Variants in WNK2 observed in about 807,000 individuals in gnomAD.
WNK2 encodes serine/threonine-protein kinase WNK2.
WNK2 carries 67 observed loss-of-function variants against 192.1 expected under a neutral mutation model. The observed-to-expected ratio is 0.35, with a 90% CI of 0.29 to 0.43. The LOEUF (loss-of-function observed/expected upper bound fraction) is 0.43. WNK2 is among the 20% of genes least tolerant of loss of function. The pLI is 1.00. For missense variants in WNK2, 2,698 were observed against 3,089.7 expected (o/e 0.87, Z 3.01); for synonymous variants, 1,439 against 1,393.9 (o/e 1.03, Z -0.72).
chr9:93,269,648 A>T, intron 19 of WNK2, among the ~76,000 whole-genome samples: 1 of 152,336 alleles, frequency 6.6e-6, no homozygotes, highest in Non-Finnish European at 1.5e-5. Context: ...TCTGGATTTT[A>T]ATACATACAC....
At chr9:93,204,278 C>G (rs1313099525) in intron 2 of WNK2, among the ~76,000 whole-genome samples, 2 of 152,104 alleles carry the variant, frequency 1.3e-5, no homozygotes, top group South Asian at 4.1e-4. Context: ...CCTGGGTGCT[C>G]AACATTTCTG....
Position 93,247,895 on chromosome 9 carries a change from C to A in WNK2, c.1834+61C>A. ...CTCCCACCTACCCTGCAAAAACCAG[C>A]TATTGGGCAAAGAAAAATGAAGTCC... is the stretch of plus-strand genomic sequence containing the variant. On this transcript the variant is annotated intron_variant, in intron 8 of 29. Transcript: ENST00000427277. This position sits in a 1 kb window ranked among gnomAD's most constrained non-coding sequence, Gnocchi z 5.2. 6.7e-7 allele frequency: 1 copy of A among 1,486,482 alleles called. No homozygotes were observed. Among genetic ancestry groups the A allele is most frequent in the South Asian group, 1.3e-5 (1 of 78,802 alleles). The allele number at this position is 1,486,482 out of a possible 1,614,324, so 92.1% of individuals were successfully genotyped here.
chr9:93,271,796 G>C (rs758132401), intron 19 of WNK2, among the ~76,000 whole-genome samples: 1 of 152,190 alleles, frequency 6.6e-6, no homozygotes, highest in Non-Finnish European at 1.5e-5. Context: ...GGTGAAAGAC[G>C]TAAGTCTACA....
chr9:93,279,790 T>C (rs184217316), intron 19 of WNK2, among the ~76,000 whole-genome samples: 3 of 152,310 alleles, frequency 2.0e-5, no homozygotes, highest in Non-Finnish European at 2.9e-5. Context: ...AACATTTAAA[T>C]GACTTTCAGG....
At chr9:93,222,071 CAG>C (rs777707752) in intron 2 of WNK2, among the ~76,000 whole-genome samples, 1 of 152,056 alleles carries the variant, frequency 6.6e-6, no homozygotes, top group Non-Finnish European at 1.5e-5. Context: ...GTGTGGGTGA[CAG>C]GGTGAGTACC....
chr9:93,308,084 C>T, intron 27 of WNK2: 3 of 694,906 alleles, frequency 4.3e-6, no homozygotes, highest in Admixed American at 3.0e-5. Flanking sequence ...GCTGCAGAGT[C>T]CTGTCCCCTG....
chr9:93,253,140 CCTGAGGGCT>C, intron 9 of WNK2, 58 bp downstream of exon 9: 1 of 1,316,076 alleles, frequency 7.6e-7, no homozygotes, highest in Non-Finnish European at 9.8e-7. Flanking sequence ...GTCTGAGGGC[CCTGAGGGCT>C]CTAAATTCTG....
chr9:93,288,512 A>T (rs1027036285), intron 19 of WNK2, among the ~76,000 whole-genome samples: 17 of 152,208 alleles, frequency 1.1e-4, no homozygotes, highest in Non-Finnish European at 2.5e-4. Flanking sequence ...CACAGAAGGA[A>T]GGGTGGTGCT....
In WNK2 at chr9:93,247,856, G is replaced by A; in HGVS notation, c.1834+22G>A. 2.0e-6 allele frequency: 3 copies of A among 1,531,402 alleles called. No homozygotes were observed. Among genetic ancestry groups the A allele is most frequent in the Non-Finnish European group, 2.6e-6 (3 of 1,144,966 alleles). 94.9% of individuals were successfully genotyped at this position (1,531,402 alleles called of 1,614,324 possible). ...GCCTGTGAGTGCTCAGGGGTGGGAT[G>A]GCCATGGGCACCCCTCCCACCTACC... On this transcript the variant is annotated intron_variant, in intron 8 of 29. Transcript: ENST00000427277. This position sits in a 1 kb window ranked among gnomAD's most constrained non-coding sequence, Gnocchi z 5.2.
chr9:93,270,489 T>TCTG (rs1400057241), intron 19 of WNK2, among the ~76,000 whole-genome samples: 2 of 152,246 alleles, frequency 1.3e-5, no homozygotes, highest in Non-Finnish European at 2.9e-5. Context: ...GGGAAAATTT[T>TCTG]AGCAGTGGGA....
Position 93,239,793 on chromosome 9 carries a change from C to A in WNK2, c.1359C>A (p.Phe453Leu). The A allele has an allele frequency of 6.4e-7, 1 of 1,570,416 alleles. No individual in the cohort carries two copies. Among genetic ancestry groups the A allele is most frequent in the Non-Finnish European group, 8.6e-7 (1 of 1,158,238 alleles). The part of the protein sequence containing the change: ...EIKDLLSHAF[F>L]AEDTGVRVEL... ...AAGACCTGCTGAGCCACGCCTTCTT[C>A]GCAGAGGACACAGGCGTGAGGGTGG... Residue 453 changes from phenylalanine to leucine, a missense_variant, in exon 7 of 30, where the codon TTC becomes TTA. Around this residue, in one of 7 missense-constraint regions of WNK2, gnomAD observed 230 missense variants for 501.1 expected, o/e 0.46. Transcript: ENST00000427277. The surrounding 1 kb of genome is among the most constrained non-coding windows in gnomAD (Gnocchi z 4.2).
At chr9:93,228,727 C>T (rs766050960) in intron 2 of WNK2, among the ~76,000 whole-genome samples, 1 of 152,074 alleles carries the variant, frequency 6.6e-6, no homozygotes, top group Non-Finnish European at 1.5e-5. Context: ...ATGGAGCCTT[C>T]GGGGCCATGC....
At chr9:93,202,418 T>C (rs1315733288) in intron 2 of WNK2, among the ~76,000 whole-genome samples, 1 of 151,650 alleles carries the variant, frequency 6.6e-6, no homozygotes, top group East Asian at 2.0e-4. Flanking sequence ...CCTCCGGCGC[T>C]TCCGTGGGAA....
At chr9:93,279,799 G>A (rs1427435835) in intron 19 of WNK2, among the ~76,000 whole-genome samples, 1 of 152,130 alleles carries the variant, frequency 6.6e-6, no homozygotes, top group Non-Finnish European at 1.5e-5. Flanking sequence ...ATGACTTTCA[G>A]GAAAGTGAGG....
At chr9:93,260,539 C>T (rs1225086636) in intron 12 of WNK2, among the ~76,000 whole-genome samples, 1 of 152,172 alleles carries the variant, frequency 6.6e-6, no homozygotes, top group African/African-American at 2.4e-5. Flanking sequence ...GTGAAGGGGC[C>T]TGGGGTGGAG....
At chr9:93,308,761 G>C (rs1294868501) in intron 28 of WNK2, 177 bp downstream of exon 28, 2 of 1,413,268 alleles carry the variant, frequency 1.4e-6, no homozygotes, top group African/African-American at 2.9e-5. Flanking sequence ...ATTGGGAGGT[G>C]AGCGACGCAC....
Position 93,297,110 on chromosome 9 carries a change from TGGCGTCCTCCCCTC to T in WNK2, c.5709-722_5709-709del, listed in dbSNP as rs1311955381. On this transcript the variant is annotated intron_variant, in intron 23 of 29. Coordinates refer to ENST00000427277, the MANE Select transcript of WNK2 (RefSeq NM_006648.4). ...CTTCCTCCCCTCGGCTTCCTCCCCT[TGGCGTCCTCCCCTC>T]GGCGTCCTCCCCTCGGCGTCATCCC... Among the ~76,000 whole-genome samples the T allele has an allele frequency of 4.9e-4, 63 of 129,058 alleles. 2 individuals carry two copies. The East Asian group carries it at 7.2e-3, about 15-fold the overall frequency. The allele number at this position is 129,058 out of a possible 152,430, so 84.7% of individuals were successfully genotyped here.
At chr9:93,314,446 GA>G (rs111885432) in intron 28 of WNK2, among the ~76,000 whole-genome samples, 44,834 of 129,972 alleles carry the variant, frequency 0.34, 6,767 homozygotes, top group South Asian at 0.53. Flanking sequence ...GACCCTGTCT[GA>G]AAAAAAAAAA....
chr9:93,271,442 A>C (rs1382148807), intron 19 of WNK2, among the ~76,000 whole-genome samples: 2 of 152,248 alleles, frequency 1.3e-5, no homozygotes, highest in African/African-American at 2.4e-5. Flanking sequence ...GACGATGTAG[A>C]TTTTGGGATG....
Sources: allele counts gnomAD v4.1 joint callset (sites outside exome capture counted in the v4.1 genomes callset), GRCh38; gene constraint gnomAD v4.1.1; regional missense constraint gnomAD v4.1.1; non-coding constraint Gnocchi (gnomAD v3.1); transcripts MANE v1.5; gene names NCBI Gene and HGNC (gene_info 2026-07-23, HGNC 2026-07-21).